Variants in CUL3 observed in about 807,000 individuals in gnomAD.
CUL3 encodes cullin 3.
A neutral mutation model predicts 89.1 loss-of-function variants in CUL3; 19 were observed. That is an observed-to-expected ratio of 0.21 (90% confidence interval 0.15 to 0.31). CUL3 has a LOEUF of 0.31. CUL3 is among the 10% of genes least tolerant of loss of function. CUL3 has a pLI of 1.00. For missense variants in CUL3, 469 were observed against 942.3 expected, an observed-to-expected ratio of 0.50 and a Z score of 6.58; for synonymous variants, 351 against 308.4, an observed-to-expected ratio of 1.14 and a Z score of -1.45.
intron 6 of CUL3, among the ~76,000 whole-genome samples, chr2:224,509,586 TA>T (rs1559151950): frequency 6.6e-6 from 1 of 152,236 alleles, no homozygotes; most frequent in Non-Finnish European, 1.5e-5. Context: ...CCTAAGGTAC[TA>T]AATAAAGGAG....
chr2:224,581,314 C>T (rs568474339), intron 1 of CUL3, among the ~76,000 whole-genome samples: 2 of 150,322 alleles, frequency 1.3e-5, no homozygotes, highest in South Asian at 2.1e-4. Context: ...AAGAATCGCT[C>T]GAACCCAGGA....
intron 3 of CUL3, among the ~76,000 whole-genome samples, chr2:224,516,839 G>T (rs1342198774): frequency 6.6e-6 from 1 of 151,536 alleles, no homozygotes; most frequent in Non-Finnish European, 1.5e-5. Context: ...TAGAGACGGG[G>T]TTTCACCATG....
chr2:224,501,634 ATTACT>A (rs1297175218), intron 10 of CUL3, among the ~76,000 whole-genome samples: 4 of 152,234 alleles, frequency 2.6e-5, no homozygotes, highest in African/African-American at 9.6e-5. Context: ...CCACTAAATG[ATTACT>A]TAACTTTAAG....
At position 224,513,510 on chromosome 2, in the gene CUL3, T is replaced by C; in HGVS notation, c.654+14A>G. 1 of 1,384,562 alleles carries C rather than the reference T, an allele frequency of 7.2e-7. No homozygotes were observed. The highest frequency in any genetic ancestry group is 1.2e-5 in the South Asian group (1 of 80,402). 85.8% of individuals were successfully genotyped at this position (1,384,562 alleles called of 1,614,324 possible). The stretch of plus-strand genomic sequence containing the variant: ...CATCTTAAAAGATTATTTATTTACA[T>C]TTTCACGGATTACCTGAAAAAATTC... On this transcript the variant is annotated intron_variant, in intron 5 of 15. Coordinates refer to ENST00000264414, the MANE Select transcript of CUL3 (RefSeq NM_003590.5).
intron 13 of CUL3, among the ~76,000 whole-genome samples, chr2:224,482,586 A>T (rs1052994296): frequency 6.6e-6 from 1 of 152,002 alleles, no homozygotes; most frequent in Non-Finnish European, 1.5e-5. Context: ...TGACCAAATG[A>T]AGAAAAAAAA....
intron 14 of CUL3, among the ~76,000 whole-genome samples, chr2:224,480,473 T>A (rs1691494269): frequency 6.6e-6 from 1 of 152,150 alleles, no homozygotes; most frequent in Admixed American, 6.6e-5. Context: ...GTGAAATTCA[T>A]CATATATATA....
intron 6 of CUL3, 35 bp downstream of exon 6, chr2:224,511,319 A>G: frequency 7.0e-7 from 1 of 1,425,640 alleles, no homozygotes; most frequent in Non-Finnish European, 9.7e-7. Flanking sequence ...AAGGCAGAGT[A>G]AGGATTTAAT....
intron 10 of CUL3, 135 bp from the exon 11 acceptor site, chr2:224,500,622 C>CTTT: frequency 3.3e-6 from 2 of 610,054 alleles, no homozygotes; most frequent in East Asian, 8.0e-5. Context: ...AGCAGATTTT[C>CTTT]TTTTCTTTTT....
At chr2:224,529,331 G>C (rs923819519) in intron 3 of CUL3, among the ~76,000 whole-genome samples, 18 of 152,002 alleles carry the variant, frequency 1.2e-4, no homozygotes, top group Non-Finnish European at 2.1e-4. Flanking sequence ...ATAAAAGAAT[G>C]AATCGGCTGG....
chr2:224,569,698 A>G, intron 1 of CUL3: 1 of 1,199,856 alleles, frequency 8.3e-7, no homozygotes, highest in Non-Finnish European at 1.1e-6. Flanking sequence ...CACATCTTGA[A>G]GGTTCTGTGA....
intron 10 of CUL3, among the ~76,000 whole-genome samples, chr2:224,502,632 A>C (rs1402642946): frequency 6.6e-6 from 1 of 152,196 alleles, no homozygotes; most frequent in East Asian, 1.9e-4. Context: ...AGAGTACTGA[A>C]ACTCAGTAAA....
At chr2:224,571,170 A>G (rs1297929546) in intron 1 of CUL3, among the ~76,000 whole-genome samples, 4 of 152,176 alleles carry the variant, frequency 2.6e-5, no homozygotes, top group Non-Finnish European at 5.9e-5. Flanking sequence ...TCCCTTAAAC[A>G]CATTTTATCC....
In CUL3 at chr2:224,474,381, AAAAG is replaced by A; in HGVS notation, c.2176-9_2176-6del. The A allele has an allele frequency of 6.2e-7, 1 of 1,611,538 alleles. No individual in the cohort carries two copies. The highest frequency in any genetic ancestry group is 8.5e-7 in the Non-Finnish European group (1 of 1,178,878). ...CGCCTTCAACTGCTGAGTTACCTAA[AAAAG>A]AAAGTAGATAGTATTTTTATATAAA... On this transcript the variant is annotated splice_region_variant and splice_polypyrimidine_tract_variant and intron_variant, in intron 15 of 15. Coordinates refer to ENST00000264414, the MANE Select transcript of CUL3 (RefSeq NM_003590.5).
chr2:224,554,900 T>G (rs191091999), intron 2 of CUL3, among the ~76,000 whole-genome samples: 4 of 152,222 alleles, frequency 2.6e-5, no homozygotes, highest in Non-Finnish European at 5.9e-5. Context: ...ACTTGTCCTT[T>G]TGATGCCAAA....
chr2:224,511,265 GA>G (rs1692815697), intron 6 of CUL3, 88 bp downstream of exon 6: 1 of 905,604 alleles, frequency 1.1e-6, no homozygotes, highest in South Asian at 1.8e-5. Context: ...CTTGAAAGCT[GA>G]TATTATCTGC....
chr2:224,575,474 C>T (rs1386741021), intron 1 of CUL3, among the ~76,000 whole-genome samples: 2 of 152,104 alleles, frequency 1.3e-5, no homozygotes, highest in African/African-American at 2.4e-5. Flanking sequence ...CAACTGGTAA[C>T]ATAGGTGGAA....
At chr2:224,500,583 C>T in intron 10 of CUL3, 96 bp from the exon 11 acceptor site, 17 of 1,122,004 alleles carry the variant, frequency 1.5e-5, no homozygotes, top group Non-Finnish European at 2.1e-5. Flanking sequence ...AAGCAGTTAG[C>T]TCCATGTCTA....
rs1374316231 is a variant in CUL3, at chr2:224,511,210, T to A, written c.883+144A>T. On this transcript the variant is annotated intron_variant, in intron 6 of 15. Transcript: ENST00000264414. ...GACAGAATCAAGCTTGGAAATCCCA[T>A]TAAAGTTAACAATGGAGACAAATTA... The A allele has an allele frequency of 5.2e-6, 3 of 582,446 alleles. No homozygotes were observed. The Admixed American group carries it at 1.0e-4, about 20-fold the overall frequency. The allele number at this position is 582,446 out of a possible 1,614,324, so 36.1% of individuals were successfully genotyped here.
intron 7 of CUL3, 78 bp downstream of exon 7, chr2:224,506,780 G>A (rs1692618397): frequency 1.6e-6 from 2 of 1,230,990 alleles, no homozygotes. Flanking sequence ...ACAATACACA[G>A]CATGGTAAAA....
Sources: gnomAD v4.1 joint callset for allele counts (sites outside exome capture counted in the v4.1 genomes callset) on GRCh38, gnomAD v4.1.1 for gene constraint, MANE v1.5 for transcripts, NCBI Gene and HGNC (gene_info 2026-07-23, HGNC 2026-07-21) for gene names.